DCTN4: variants seen among roughly 807,000 people sequenced by gnomAD.
DCTN4 encodes the protein dynactin subunit 4.
A neutral mutation model predicts 62.7 loss-of-function variants in DCTN4; 23 were observed. The observed-to-expected ratio is 0.37, with a 90% CI of 0.26 to 0.52. The LOEUF is 0.52. DCTN4 is among the 20% of genes least tolerant of loss of function. DCTN4 has a pLI of 0.92. For missense variants in DCTN4, 514 were observed against 580.4 expected, an observed-to-expected ratio of 0.89 and a Z score of 1.18; for synonymous variants, 199 against 202.1, an observed-to-expected ratio of 0.98 and a Z score of 0.13.
At chr5:150,755,723 T>C (rs938821345) in intron 2 of DCTN4, among the ~76,000 whole-genome samples, 2 of 152,064 alleles carry the variant, frequency 1.3e-5, no homozygotes, top group African/African-American at 4.8e-5. Flanking sequence ...GACATAACTA[T>C]AAATATAATG....
At chr5:150,751,965 T>A (rs1024980261) in intron 3 of DCTN4, among the ~76,000 whole-genome samples, 1 of 152,210 alleles carries the variant, frequency 6.6e-6, no homozygotes, top group Non-Finnish European at 1.5e-5. Flanking sequence ...TTTAGTTATG[T>A]CAAATGACAT....
chr5:150,747,032 A>G lies in DCTN4; in HGVS notation c.386-4875T>C, dbSNP rs1752469972. On this transcript the variant is annotated intron_variant, in intron 3 of 12. Coordinates refer to ENST00000447998, the MANE Select transcript of DCTN4 (RefSeq NM_016221.4). ...TTGCAGATGACATGATTGTATATCT[A>G]GAAAACCCCATCGTCTCAGCCCAAA... Among the ~76,000 whole-genome samples the G allele has an allele frequency of 2.6e-5, 4 of 152,304 alleles. No homozygotes were observed. The South Asian group carries it at 6.2e-4, about 24-fold the overall frequency.
intron 12 of DCTN4, among the ~76,000 whole-genome samples, chr5:150,713,388 G>A (rs1366545733): frequency 6.0e-5 from 9 of 150,792 alleles, no homozygotes; most frequent in Admixed American, 5.9e-4. Flanking sequence ...GTTAACCCAC[G>A]TTTGGTATCA....
intron 3 of DCTN4, among the ~76,000 whole-genome samples, chr5:150,743,866 T>A (rs1760860442): frequency 6.6e-6 from 1 of 151,984 alleles, no homozygotes; most frequent in Non-Finnish European, 1.5e-5. Flanking sequence ...AACTGGAAAC[T>A]CTAAAAAGCA....
intron 12 of DCTN4, among the ~76,000 whole-genome samples, chr5:150,714,826 G>C (rs1759696962): frequency 1.3e-5 from 2 of 152,096 alleles, no homozygotes. Context: ...CTGAGTTTCA[G>C]CTACATGGAG....
chr5:150,712,453 G>C (rs544224741), intron 12 of DCTN4, among the ~76,000 whole-genome samples: 2 of 147,954 alleles, frequency 1.4e-5, no homozygotes, highest in African/African-American at 2.5e-5. Flanking sequence ...TTAGAGACAA[G>C]GTTTTGCTCT....
intron 3 of DCTN4, among the ~76,000 whole-genome samples, chr5:150,745,219 T>A (rs1234862770): frequency 1.3e-5 from 2 of 149,962 alleles, no homozygotes; most frequent in Non-Finnish European, 2.9e-5. Flanking sequence ...GGTAAAGGGA[T>A]CAATTCAACA....
intron 12 of DCTN4, 137 bp downstream of exon 12, chr5:150,715,428 C>T (rs372162106): frequency 6.2e-6 from 4 of 648,402 alleles, no homozygotes; most frequent in East Asian, 2.8e-5. Flanking sequence ...ATATATTTCC[C>T]CAATTTTCTA....
Position 150,711,355 on chromosome 5 carries a change from C to T in DCTN4, c.1177G>A (p.Ala393Thr). ...CCCACTTTGTTGGCCTTTCTGAAGG[C>T]TATAATGCTATGGAAAGAAAAAAAA... Reference protein sequence around the residue: ...QDFQDDPDIIAFRKANKVGIF... With the variant: ...QDFQDDPDIITFRKANKVGIF... Residue 393 changes from alanine (A) to threonine (T), a missense_variant, in exon 13 of 13, where the codon GCC becomes ACC. By Grantham distance (58) the Ala-to-Thr change is moderately conservative (BLOSUM62 0). Coordinates refer to ENST00000447998, the MANE Select transcript of DCTN4 (RefSeq NM_016221.4). The T allele has an allele frequency of 6.2e-7, 1 of 1,612,388 alleles. No homozygotes were observed.
intron 8 of DCTN4, among the ~76,000 whole-genome samples, chr5:150,729,042 C>CCTTTTTTTTTTTTTTTTTTTTT (rs762124472): frequency 1.9e-5 from 1 of 52,148 alleles, no homozygotes; most frequent in African/African-American, 7.6e-5. Context: ...ACCACACTGG[C>CCTTTTTTTTTTTTTTTTTTTTT]TTTTTTTTTT....
intron 12 of DCTN4, among the ~76,000 whole-genome samples, chr5:150,713,903 G>T (rs1327648763): frequency 6.6e-6 from 1 of 151,852 alleles, no homozygotes; most frequent in African/African-American, 2.4e-5. Flanking sequence ...GATCACTTTA[G>T]GTCAGGAGTT....
chr5:150,748,233 T>C (rs1385619539), intron 3 of DCTN4, among the ~76,000 whole-genome samples: 3 of 149,512 alleles, frequency 2.0e-5, no homozygotes, highest in Non-Finnish European at 3.0e-5. Context: ...AAAACCACAA[T>C]GAGATACCAT....
intron 8 of DCTN4, among the ~76,000 whole-genome samples, chr5:150,724,895 C>G (rs1429889288): frequency 1.3e-5 from 2 of 152,136 alleles, no homozygotes; most frequent in Admixed American, 1.3e-4. Flanking sequence ...CAGTGGCTCA[C>G]GCCTGTAATC....
intron 4 of DCTN4, 193 bp from the exon 5 acceptor site, chr5:150,733,668 T>G (rs1034772507): frequency 4.2e-6 from 2 of 473,590 alleles, no homozygotes; most frequent in African/African-American, 2.0e-5. Context: ...AAAACTGAAG[T>G]TCAAGGATGG....
chr5:150,731,773 T>G, intron 5 of DCTN4: 1 of 1,002,444 alleles, frequency 1.0e-6, no homozygotes, highest in Non-Finnish European at 1.5e-6. Context: ...AAGCTACGGC[T>G]CAGGCAAGAA....
rs770027476 is a variant in DCTN4, at chr5:150,733,409, T to C, written c.496A>G (p.Lys166Glu). ...ATATAGTTTCTACGTCGTGCCAGTT[T>C]CTTGCGATCTCGCTCAACCTTCTCT... ...QKEKVERDRK[K>E]LARRRNYMPL... Residue 166 changes from lysine to glutamate, a missense_variant, in exon 5 of 13, where the codon AAA (lysine) becomes GAA (glutamate). Lys to Glu is a moderately conservative substitution (Grantham distance 56). Coordinates refer to ENST00000447998, the MANE Select transcript of DCTN4 (RefSeq NM_016221.4). 1.2e-6 allele frequency: 2 copies of C among 1,614,118 alleles called. No homozygotes were observed.
chr5:150,751,707 G>A lies in DCTN4; in HGVS notation c.385+1772C>T, dbSNP rs1437379946. 2.0e-5 allele frequency among the ~76,000 whole-genome samples: 3 copies of A among 152,082 alleles called. No homozygotes were observed. The East Asian group carries it at 5.8e-4, about 29-fold the overall frequency. ...TTCAGGTAAATAGCTACCCACCAATGAGCATTTTTAAGGAACTAAGATATA... is the reference window on the plus strand; with the variant it reads ...TTCAGGTAAATAGCTACCCACCAATAAGCATTTTTAAGGAACTAAGATATA... On this transcript the variant is annotated intron_variant, in intron 3 of 12. Transcript: ENST00000447998.
In DCTN4 at chr5:150,710,419, T is replaced by C. The variant is rs1220119137; in HGVS notation, c.*730A>G. 2 of 152,382 alleles carry C rather than the reference T, an allele frequency of 1.3e-5. No homozygotes were observed. The highest frequency in any genetic ancestry group is 2.9e-5 in the Non-Finnish European group (2 of 68,062). 9.4% of individuals were successfully genotyped at this position (152,382 alleles called of 1,614,324 possible). ...AAAACGAATGGAATCTGCTACCCCC[T>C]TGACATGACATGTAATTGTTTGCTT... is the stretch of plus-strand genomic sequence containing the variant. On this transcript the variant is annotated 3_prime_UTR_variant, in exon 13 of 13. Coordinates refer to ENST00000447998, the MANE Select transcript of DCTN4 (RefSeq NM_016221.4).
At chr5:150,730,256 G>A (rs1324014941) in intron 8 of DCTN4, among the ~76,000 whole-genome samples, 1 of 152,176 alleles carries the variant, frequency 6.6e-6, no homozygotes, top group Non-Finnish European at 1.5e-5. Flanking sequence ...GATTACCAGA[G>A]CCTGGATTTT....
Sources: allele counts gnomAD v4.1 joint callset (sites outside exome capture counted in the v4.1 genomes callset), GRCh38; gene constraint gnomAD v4.1.1; transcripts MANE v1.5; gene names NCBI Gene and HGNC (gene_info 2026-07-23, HGNC 2026-07-21).